The following PCDHGA1 variants were observed in gnomAD, a reference collection of about 807,000 sequenced individuals.
The protein encoded by PCDHGA1 is protocadherin gamma subfamily A, 1.
A neutral mutation model predicts 58.0 loss-of-function variants in PCDHGA1; 32 were observed. That is an observed-to-expected ratio of 0.55 (90% CI 0.42 to 0.74). The LOEUF (loss-of-function observed/expected upper bound fraction) is 0.74, where lower values mean the gene tolerates loss of function less well. Ranked by LOEUF, PCDHGA1 falls within the 30% of genes least tolerant of loss-of-function variation. The pLI, the probability that PCDHGA1 is intolerant of heterozygous loss-of-function variation, is 0.00. For synonymous variants in PCDHGA1, 498 were observed against 501.1 expected, an observed-to-expected ratio of 0.99 and a Z score of 0.08; for missense variants, 1,205 against 1,182.3, an observed-to-expected ratio of 1.02 and a Z score of -0.28.
chr5:141,355,482 G>T (rs777055762), intron 1 of PCDHGA1: 2 of 1,614,076 alleles, frequency 1.2e-6, no homozygotes, highest in South Asian at 2.2e-5. Context: ...ACAGGGAGGA[G>T]CTCTGCGACA....
chr5:141,422,519 C>G, intron 1 of PCDHGA1: 1 of 1,613,968 alleles, frequency 6.2e-7, no homozygotes, highest in Non-Finnish European at 8.5e-7. Flanking sequence ...CAGGGAAGCC[C>G]GCCTTTGTCT....
At chr5:141,482,852 A>G (rs1237049208) in intron 1 of PCDHGA1, among the ~76,000 whole-genome samples, 1 of 144,420 alleles carries the variant, frequency 6.9e-6, no homozygotes, top group Non-Finnish European at 1.5e-5. Flanking sequence ...TGGGCAGATC[A>G]CTTGAGGTCA....
intron 1 of PCDHGA1, chr5:141,376,302 T>C (rs763012052): frequency 1.2e-6 from 2 of 1,614,166 alleles, no homozygotes; most frequent in South Asian, 2.2e-5. Context: ...GGCTCGCACT[T>C]TGTGGGCGTG....
At position 141,437,741 on chromosome 5, in the gene PCDHGA1, C is replaced by CTT. The variant is rs35124340; in HGVS notation, c.2422-57052_2422-57051dup. 4.3e-3 allele frequency among the ~76,000 whole-genome samples: 606 copies of CTT among 141,726 alleles called. 5 individuals are homozygous for CTT. The highest frequency in any genetic ancestry group is 0.012 in the Admixed American group (164 of 14,230). 93.0% of individuals were successfully genotyped at this position (141,726 alleles called of 152,430 possible). A position where few individuals can be genotyped will look rare whatever the true frequency, so the allele number is the denominator to read the frequency against. On this transcript the variant is annotated intron_variant, in intron 1 of 3. Transcript: ENST00000517417. ...CTCTAATGTTACACTTTGAGTTCAC[C>CTT]TTTTTTTTTTTTTTTGAGACAGAGT...
At chr5:141,340,524 G>A (rs1756954539) in intron 1 of PCDHGA1, 1 of 1,614,212 alleles carries the variant, frequency 6.2e-7, no homozygotes, top group Non-Finnish European at 8.5e-7. Flanking sequence ...TATGCACTGC[G>A]CTCCTTTGAT....
At chr5:141,336,746 T>C (rs1756634619) in intron 1 of PCDHGA1, among the ~76,000 whole-genome samples, 1 of 152,184 alleles carries the variant, frequency 6.6e-6, no homozygotes, top group Admixed American at 6.5e-5. Context: ...TTCTTGGATA[T>C]GACACCAAAA....
intron 1 of PCDHGA1, chr5:141,417,205 C>G (rs1217296715): frequency 6.6e-6 from 1 of 151,986 alleles, no homozygotes; most frequent in Non-Finnish European, 1.5e-5. Context: ...TGAATATAGG[C>G]TAGAATTGAA....
chr5:141,343,269 G>C, intron 1 of PCDHGA1: 1 of 961,034 alleles, frequency 1.0e-6, no homozygotes, highest in Non-Finnish European at 1.2e-6. Context: ...AGGTCACCAA[G>C]AACAAACTTA....
intron 1 of PCDHGA1, chr5:141,413,448 G>A (rs781717265): frequency 3.1e-6 from 5 of 1,614,122 alleles, no homozygotes; most frequent in Non-Finnish European, 4.2e-6. Context: ...TGATCACCGC[G>A]GGCAGGATAG....
At position 141,427,736 on chromosome 5, in the gene PCDHGA1, A is replaced by G. The variant is rs781594851; in HGVS notation, c.2422-67071A>G. 3.3e-6 allele frequency: 4 copies of G among 1,214,562 alleles called. No individual in the cohort carries two copies. In the South Asian group the frequency reaches 4.9e-5, roughly 15 times the overall value. The allele number at this position is 1,214,562 out of a possible 1,614,324, so 75.2% of individuals were successfully genotyped here. ...ACCTGGACCTAGGGCTGAATGGCCA[A>G]GTCTCCTACTCCATCGTTACCACTG... On this transcript the variant is annotated intron_variant, in intron 1 of 3. Coordinates refer to ENST00000517417, the MANE Select transcript of PCDHGA1 (RefSeq NM_018912.3).
At chr5:141,479,855 C>T (rs1330076788) in intron 1 of PCDHGA1, among the ~76,000 whole-genome samples, 2 of 152,128 alleles carry the variant, frequency 1.3e-5, no homozygotes, top group Non-Finnish European at 2.9e-5. Context: ...ACTGCAAGGC[C>T]TTTGCCCTGG....
chr5:141,420,963 A>T, intron 1 of PCDHGA1: 1 of 430,262 alleles, frequency 2.3e-6, no homozygotes, highest in Non-Finnish European at 4.1e-6. Flanking sequence ...TAGTCGTTGC[A>T]ATAATAAGAA....
chr5:141,425,483 C>A (rs1172308088), intron 1 of PCDHGA1, among the ~76,000 whole-genome samples: 2 of 152,304 alleles, frequency 1.3e-5, no homozygotes, highest in Non-Finnish European at 2.9e-5. Flanking sequence ...CTATGGCAAC[C>A]TACTAGGCTA....
chr5:141,490,978 C>T lies in PCDHGA1; in HGVS notation c.2422-3829C>T. 6.2e-7 allele frequency: 1 copy of T among 1,614,100 alleles called. No individual in the cohort carries two copies. Among genetic ancestry groups the T allele is most frequent in the Non-Finnish European group, 8.5e-7 (1 of 1,180,034 alleles). ...GGAACACTCAGCCCCCCAGCGTCTC[C>T]CTCGCTCTGCTCCTCCTGGCTCCTT... is the stretch of plus-strand genomic sequence containing the variant. On this transcript the variant is annotated intron_variant, in intron 1 of 3. Coordinates refer to ENST00000517417, the MANE Select transcript of PCDHGA1 (RefSeq NM_018912.3). The surrounding 1 kb of genome is among the most constrained non-coding windows in gnomAD (Gnocchi z 5.4).
chr5:141,371,872 C>T (rs1206900205), intron 1 of PCDHGA1: 3 of 1,613,534 alleles, frequency 1.9e-6, no homozygotes, highest in East Asian at 2.2e-5. Flanking sequence ...TACATCGTGG[C>T]CAGTGACCTG....
chr5:141,495,430 C>T (rs1189953474), intron 2 of PCDHGA1, among the ~76,000 whole-genome samples: 3 of 152,220 alleles, frequency 2.0e-5, no homozygotes, highest in Admixed American at 2.0e-4. Context: ...TCCCACTGTC[C>T]TCTGCCCCTA....
At position 141,341,517 on chromosome 5, in the gene PCDHGA1, A is replaced by T. The variant is rs1588451555; in HGVS notation, c.2421+8412A>T. ...GGGTAGAGTCAAGTTTTAGGAAGTG[A>T]GTCTTGGTGAATTATTTCTTGGTAG... On this transcript the variant is annotated intron_variant, in intron 1 of 3. Coordinates refer to ENST00000517417, the MANE Select transcript of PCDHGA1 (RefSeq NM_018912.3). 3 of 1,518,362 alleles carry T rather than the reference A, an allele frequency of 2.0e-6. No individual in the cohort carries two copies. In the East Asian group the frequency reaches 6.8e-5, roughly 35 times the overall value. The allele number at this position is 1,518,362 out of a possible 1,614,324, so 94.1% of individuals were successfully genotyped here.
chr5:141,417,965 T>C lies in PCDHGA1; in HGVS notation c.2422-76842T>C. On this transcript the variant is annotated intron_variant, in intron 1 of 3. Coordinates refer to ENST00000517417, the MANE Select transcript of PCDHGA1 (RefSeq NM_018912.3). ...CACGCTGTGTGAGCCGATCCGCTAC[T>C]CGATTCCGGAGGAGCTGGCCAAGGG... 3 of 1,613,654 alleles carry C rather than the reference T, an allele frequency of 1.9e-6. No homozygotes were observed. In the South Asian group the frequency reaches 3.3e-5, roughly 18 times the overall value.
intron 1 of PCDHGA1, chr5:141,362,057 G>T: frequency 6.2e-7 from 1 of 1,611,706 alleles, no homozygotes; most frequent in Non-Finnish European, 8.5e-7. Flanking sequence ...GCCCGCCAGC[G>T]CCTGCTGGTC....
Sources: gnomAD v4.1 joint callset for allele counts (sites outside exome capture counted in the v4.1 genomes callset) on GRCh38, gnomAD v4.1.1 for gene constraint, Gnocchi (gnomAD v3.1) non-coding constraint, MANE v1.5 for transcripts, NCBI Gene and HGNC (gene_info 2026-07-23, HGNC 2026-07-21) for gene names.